Variants in GLI2 observed in about 807,000 individuals in gnomAD.
GLI2 encodes the protein GLI family zinc finger 2.
GLI2 carries 22 observed loss-of-function variants against 78.9 expected under a neutral mutation model. That is an observed-to-expected ratio of 0.28 (90% CI 0.20 to 0.40). The LOEUF is 0.40. GLI2 is among the 10% of genes least tolerant of loss of function. The pLI is 1.00. For missense variants in GLI2, 2,097 were observed against 2,213.2 expected (o/e 0.95, Z 1.05); for synonymous variants, 974 against 963.7 (o/e 1.01, Z -0.20).
chr2:120,746,861 TAC>T (rs1347380153), intron 1 of GLI2, among the ~76,000 whole-genome samples: 1 of 152,246 alleles, frequency 6.6e-6, no homozygotes, highest in Non-Finnish European at 1.5e-5. Flanking sequence ...GTTACATTAA[TAC>T]AGTCTTGTAA....
chr2:120,816,357 G>A (rs868682956), intron 2 of GLI2, among the ~76,000 whole-genome samples: 5 of 151,894 alleles, frequency 3.3e-5, no homozygotes, highest in Admixed American at 2.0e-4. Context: ...CATCATGCCC[G>A]GCTAATTTTT....
intron 8 of GLI2, among the ~76,000 whole-genome samples, chr2:120,973,427 C>T (rs75625492): frequency 0.012 from 1,845 of 152,354 alleles, 31 homozygotes; most frequent in African/African-American, 0.043. Context: ...GGCCTCCTGC[C>T]TGCCCAGCCT....
chr2:120,857,079 A>G (rs1441759447), intron 2 of GLI2, among the ~76,000 whole-genome samples: 1 of 152,156 alleles, frequency 6.6e-6, no homozygotes, highest in Non-Finnish European at 1.5e-5. Context: ...GACCAGGGGA[A>G]GGCTTAGAGC....
chr2:120,869,038 A>G (rs1272086551), intron 2 of GLI2, among the ~76,000 whole-genome samples: 1 of 152,114 alleles, frequency 6.6e-6, no homozygotes, highest in African/African-American at 2.4e-5. Context: ...CTTTCTGGAG[A>G]CAGGACTGGG....
intron 2 of GLI2, among the ~76,000 whole-genome samples, chr2:120,870,937 T>C (rs1216515790): frequency 2.6e-5 from 4 of 152,138 alleles, no homozygotes; most frequent in African/African-American, 9.7e-5. Context: ...CAAAGTTAGA[T>C]AGGAGCTGGG....
At chr2:120,888,497 G>A (rs144576452) in intron 2 of GLI2, among the ~76,000 whole-genome samples, 1 of 152,250 alleles carries the variant, frequency 6.6e-6, no homozygotes, top group Non-Finnish European at 1.5e-5. Flanking sequence ...TCAGACAGGA[G>A]AGACCCTGTG....
At chr2:120,807,166 G>C in intron 2 of GLI2, among the ~76,000 whole-genome samples, 1 of 152,242 alleles carries the variant, frequency 6.6e-6, no homozygotes, top group Middle Eastern at 3.4e-3. Context: ...CCCTGGGGAC[G>C]ATGCAGGGAG....
intron 1 of GLI2, among the ~76,000 whole-genome samples, chr2:120,768,507 G>T (rs1405222643): frequency 6.6e-6 from 1 of 152,192 alleles, no homozygotes; most frequent in Non-Finnish European, 1.5e-5. Flanking sequence ...GAACAGAAGG[G>T]GCTCCGTCTA....
chr2:120,774,002 C>A (rs569407490), intron 1 of GLI2, among the ~76,000 whole-genome samples: 2 of 149,792 alleles, frequency 1.3e-5, no homozygotes, highest in Non-Finnish European at 3.0e-5. Context: ...TTCCTCCCCC[C>A]TTTCTTCCCT....
chr2:120,872,308 G>A (rs958709976), intron 2 of GLI2, among the ~76,000 whole-genome samples: 8 of 152,200 alleles, frequency 5.3e-5, no homozygotes, highest in South Asian at 2.1e-4. Context: ...GGTGTGCCCC[G>A]TGACAGAGAG....
intron 2 of GLI2, among the ~76,000 whole-genome samples, chr2:120,824,681 T>C (rs1254580961): frequency 6.6e-6 from 1 of 152,210 alleles, no homozygotes; most frequent in Non-Finnish European, 1.5e-5. Context: ...ATGACACAGC[T>C]GGTCTTTGAG....
Position 120,968,832 on chromosome 2 carries a change from C to T in GLI2, c.762C>T (p.Asn254=). ...DLQRMIRTSP[N]SLVAYINNSR... ...AGCGGATGATCCGCACCTCACCCAA[C>T]TCGCTAGTGGCCTACATCAACAACT... Residue 254 remains asparagine, a synonymous_variant, in exon 6 of 14, where the codon AAC becomes AAT. Transcript: ENST00000361492. 6.2e-7 allele frequency: 1 copy of T among 1,613,892 alleles called. No individual in the cohort carries two copies. The highest frequency in any genetic ancestry group is 1.1e-5 in the South Asian group (1 of 91,070).
intron 2 of GLI2, among the ~76,000 whole-genome samples, chr2:120,907,671 T>A (rs1316024329): frequency 6.6e-6 from 1 of 152,184 alleles, no homozygotes; most frequent in East Asian, 1.9e-4. Flanking sequence ...CAGATCTTCC[T>A]TGACAGTTCC....
chr2:120,776,720 C>G (rs1473643291), intron 1 of GLI2, among the ~76,000 whole-genome samples: 1 of 152,210 alleles, frequency 6.6e-6, no homozygotes, highest in Admixed American at 6.5e-5. Flanking sequence ...GAGGAAGCAG[C>G]TGGGTCAGGG....
chr2:120,903,711 C>T (rs1678376699), intron 2 of GLI2, among the ~76,000 whole-genome samples: 1 of 151,980 alleles, frequency 6.6e-6, no homozygotes, highest in Non-Finnish European at 1.5e-5. Flanking sequence ...TGCAGGGTGA[C>T]CTACACAACA....
intron 1 of GLI2, among the ~76,000 whole-genome samples, chr2:120,779,319 C>T (rs576483699): frequency 2.6e-5 from 4 of 152,272 alleles, no homozygotes; most frequent in Admixed American, 6.5e-5. Flanking sequence ...ATCCTGCTGA[C>T]GAAGGATCTT....
chr2:120,766,117 G>A (rs909119925), intron 1 of GLI2, among the ~76,000 whole-genome samples: 2 of 152,180 alleles, frequency 1.3e-5, no homozygotes, highest in East Asian at 3.9e-4. Flanking sequence ...GGAGGTTCAC[G>A]CGGCAAGGCT....
At chr2:120,952,876 C>G (rs1489646166) in intron 4 of GLI2, among the ~76,000 whole-genome samples, 2 of 152,236 alleles carry the variant, frequency 1.3e-5, no homozygotes, top group African/African-American at 2.4e-5. Flanking sequence ...CCATGATGGG[C>G]TGACCAAGAG....
At chr2:120,935,936 C>G (rs1027093920) in intron 3 of GLI2, among the ~76,000 whole-genome samples, 5 of 152,108 alleles carry the variant, frequency 3.3e-5, no homozygotes, top group Non-Finnish European at 4.4e-5. Flanking sequence ...TGGAGAGAGC[C>G]GTGGTGGTCA....
Sources: gnomAD v4.1 joint callset for allele counts (sites outside exome capture counted in the v4.1 genomes callset) on GRCh38, gnomAD v4.1.1 for gene constraint, MANE v1.5 for transcripts, NCBI Gene and HGNC (gene_info 2026-07-23, HGNC 2026-07-21) for gene names.